Variants in RNF157 observed in about 807,000 individuals in gnomAD.
The protein encoded by RNF157 is ring finger protein 157.
In RNF157, 55 loss-of-function variants were observed where a neutral mutation model predicts 88.3. That is an observed-to-expected ratio of 0.62 (90% CI 0.50 to 0.78). The LOEUF is 0.78. Ranked by LOEUF, RNF157 falls within the 30% of genes least tolerant of loss-of-function variation. The probability of loss-of-function intolerance (pLI) is 0.00; values close to 1 mark genes in which losing one functional copy is unlikely to be tolerated. For missense variants in RNF157, 788 were observed against 860.8 expected (o/e 0.92, Z 1.06); for synonymous variants, 334 against 341.2 (o/e 0.98, Z 0.23).
At position 76,146,377 on chromosome 17, in the gene RNF157, C is replaced by T; in HGVS notation, c.1922-1024G>A. On this transcript the variant is annotated intron_variant, in intron 18 of 18. Coordinates refer to ENST00000269391, the MANE Select transcript of RNF157 (RefSeq NM_052916.3). The surrounding 1 kb of genome is among the most constrained non-coding windows in gnomAD (Gnocchi z 4.2). ...CCTAGAATAGCCTGTGCTCAGGCTCCTCCAGGCCATCTCGCCTCTCCCCTG... is the reference window on the plus strand; with the variant it reads ...CCTAGAATAGCCTGTGCTCAGGCTCTTCCAGGCCATCTCGCCTCTCCCCTG... The T allele has an allele frequency of 1.0e-6, 1 of 985,616 alleles. No individual in the cohort carries two copies. Among genetic ancestry groups the T allele is most frequent in the South Asian group, 4.7e-5 (1 of 21,294 alleles). The allele number at this position is 985,616 out of a possible 1,614,324, so 61.1% of individuals were successfully genotyped here.
intron 1 of RNF157, among the ~76,000 whole-genome samples, chr17:76,236,391 A>T (rs1352247504): frequency 6.6e-6 from 1 of 152,242 alleles, no homozygotes; most frequent in East Asian, 1.9e-4. Context: ...TCAAAAGATG[A>T]GCTTCATAAA....
chr17:76,172,091 C>G (rs1300724922), intron 3 of RNF157, among the ~76,000 whole-genome samples: 1 of 152,218 alleles, frequency 6.6e-6, no homozygotes, highest in African/African-American at 2.4e-5. Context: ...CCTTGAATCT[C>G]TCCTCCCCAG....
intron 6 of RNF157, 88 bp downstream of exon 6, chr17:76,166,373 G>A (rs2068924672): frequency 1.9e-6 from 2 of 1,042,310 alleles, no homozygotes; most frequent in African/African-American, 1.6e-5. Context: ...CACAAAGAAG[G>A]CATGTTGTTC....
intron 11 of RNF157, 26 bp from the exon 12 acceptor site, chr17:76,159,599 A>C (rs1410174913): frequency 1.3e-6 from 2 of 1,516,030 alleles, no homozygotes. Flanking sequence ...ACAGGTTGAA[A>C]AATTAATTAG....
chr17:76,149,508 G>A (rs2068640765), intron 18 of RNF157, among the ~76,000 whole-genome samples: 1 of 152,120 alleles, frequency 6.6e-6, no homozygotes, highest in South Asian at 2.1e-4. Flanking sequence ...TTACAGCTGA[G>A]TGTGAAGACG....
intron 1 of RNF157, among the ~76,000 whole-genome samples, chr17:76,218,674 C>T (rs949001701): frequency 1.3e-4 from 19 of 151,864 alleles, no homozygotes; most frequent in Non-Finnish European, 2.4e-4. Flanking sequence ...TGGCTCACAC[C>T]TGTAATCCCA....
intron 18 of RNF157, among the ~76,000 whole-genome samples, chr17:76,149,304 A>C (rs992874577): frequency 6.6e-6 from 1 of 152,066 alleles, no homozygotes; most frequent in African/African-American, 2.4e-5. Context: ...GCACAGGGAC[A>C]ACATGGGATG....
At chr17:76,213,569 C>CAAAAAAAA (rs532739758) in intron 1 of RNF157, among the ~76,000 whole-genome samples, 6 of 76,082 alleles carry the variant, frequency 7.9e-5, no homozygotes, top group Non-Finnish European at 1.7e-4. Flanking sequence ...AACTCCATCT[C>CAAAAAAAA]AAAAAAAAAA....
At position 76,173,625 on chromosome 17, in the gene RNF157, T is replaced by C. The variant is rs910017197; in HGVS notation, c.296+77A>G. The C allele has an allele frequency of 4.4e-6, 5 of 1,139,150 alleles. No homozygotes were observed. The African/African-American group carries it at 7.8e-5, about 18-fold the overall frequency. 70.6% of individuals were successfully genotyped at this position (1,139,150 alleles called of 1,614,324 possible). On this transcript the variant is annotated intron_variant, in intron 3 of 18. Coordinates refer to ENST00000269391, the MANE Select transcript of RNF157 (RefSeq NM_052916.3). ...GCCGGAAACTGCTGTATGAGTTCCTTGGGAAGTCTGTCCCCCAGCCCCCAG... is the reference window on the plus strand; with the variant it reads ...GCCGGAAACTGCTGTATGAGTTCCTCGGGAAGTCTGTCCCCCAGCCCCCAG...
In RNF157 at chr17:76,143,554, A is replaced by C. The variant is rs979820033; in HGVS notation, c.*1681T>G. On this transcript the variant is annotated 3_prime_UTR_variant, in exon 19 of 19. Transcript: ENST00000269391. Reference sequence around the variant, plus strand: ...ATGTAGGGGGAAGGAAGGAAAGAACATTAGGTGGGGCCTGAAATGGTAAAG... The same window carrying C: ...ATGTAGGGGGAAGGAAGGAAAGAACCTTAGGTGGGGCCTGAAATGGTAAAG... 6.6e-5 allele frequency: 10 copies of C among 152,234 alleles called. No individual in the cohort carries two copies. Among genetic ancestry groups the C allele is most frequent in the African/African-American group, 2.2e-4 (9 of 41,438 alleles). The allele number at this position is 152,234 out of a possible 1,614,324, so 9.4% of individuals were successfully genotyped here. A position where few individuals can be genotyped will look rare whatever the true frequency, so the allele number is the denominator to read the frequency against.
rs1363449596 is a variant in RNF157, at chr17:76,230,886, AAGAGAGAAAGAG to A, written c.88+9255_88+9266del. Among the ~76,000 whole-genome samples the A allele has an allele frequency of 2.2e-3, 252 of 112,378 alleles. 2 individuals are homozygous for A. Among genetic ancestry groups the A allele is most frequent in the African/African-American group, 0.011 (241 of 21,902 alleles). 73.7% of individuals were successfully genotyped at this position (112,378 alleles called of 152,430 possible). Reference sequence around the variant, plus strand: ...AGAGAGAGAGAGAGAGAGAAAGAGAAAGAGAGAAAGAGAGAGAGAGAGACTTTTCTTAGATTA... The same window carrying A: ...AGAGAGAGAGAGAGAGAGAAAGAGAAAGAGAGAGAGACTTTTCTTAGATTA... On this transcript the variant is annotated intron_variant, in intron 1 of 18. Coordinates refer to ENST00000269391, the MANE Select transcript of RNF157 (RefSeq NM_052916.3).
intron 2 of RNF157, among the ~76,000 whole-genome samples, chr17:76,201,478 C>T (rs1462175174): frequency 6.6e-6 from 1 of 151,842 alleles, no homozygotes; most frequent in African/African-American, 2.4e-5. Flanking sequence ...CACCACTGCA[C>T]TCCAGCTTGG....
intron 1 of RNF157, among the ~76,000 whole-genome samples, chr17:76,239,533 A>AC (rs2070337775): frequency 1.5e-4 from 19 of 124,544 alleles, no homozygotes; most frequent in Admixed American, 1.3e-3. Context: ...ACTTTCCACC[A>AC]CCACCACCCC....
Position 76,168,174 on chromosome 17 carries a change from AT to A in RNF157, c.297-378del, listed in dbSNP as rs546586056. On this transcript the variant is annotated intron_variant, in intron 3 of 18. Coordinates refer to ENST00000269391, the MANE Select transcript of RNF157 (RefSeq NM_052916.3). The stretch of plus-strand genomic sequence containing the variant: ...TGGCATTTACCCACGTTTCTAAAAA[AT>A]ATACTTGGGTTACTACTTCTTGATT... 3.9e-5 allele frequency among the ~76,000 whole-genome samples: 6 copies of A among 152,304 alleles called. No individual in the cohort carries two copies. In the East Asian group the frequency reaches 1.2e-3, roughly 29 times the overall value.
In RNF157 at chr17:76,157,212, C is replaced by T. The variant is rs375935640; in HGVS notation, c.1414-891G>A. On this transcript the variant is annotated intron_variant, in intron 13 of 18. Coordinates refer to ENST00000269391, the MANE Select transcript of RNF157 (RefSeq NM_052916.3). This position sits in a 1 kb window ranked among gnomAD's most constrained non-coding sequence, Gnocchi z 5.6. ...CGATCTCCTGACCTCGTGATCCGCC[C>T]GCCTCGGCCTCCCAAAGTGCCGGGA... is the stretch of plus-strand genomic sequence containing the variant. 5.1e-4 allele frequency among the ~76,000 whole-genome samples: 78 copies of T among 152,222 alleles called. No homozygotes were observed. Among genetic ancestry groups the T allele is most frequent in the Non-Finnish European group, 5.6e-4 (38 of 68,034 alleles).
At chr17:76,193,151 ATAACT>A (rs1408105508) in intron 2 of RNF157, among the ~76,000 whole-genome samples, 3 of 152,200 alleles carry the variant, frequency 2.0e-5, no homozygotes, top group African/African-American at 7.2e-5. Context: ...CTTTGGGCAA[ATAACT>A]TAACATCTCT....
intron 1 of RNF157, among the ~76,000 whole-genome samples, 187 bp downstream of exon 1, chr17:76,239,966 G>A (rs2070349968): frequency 6.6e-6 from 1 of 152,182 alleles, no homozygotes; most frequent in South Asian, 2.1e-4. Context: ...ACGCCCCTTG[G>A]GCTAATTCGC....
At chr17:76,235,605 T>G (rs868247350) in intron 1 of RNF157, among the ~76,000 whole-genome samples, 1 of 152,218 alleles carries the variant, frequency 6.6e-6, no homozygotes, top group African/African-American at 2.4e-5. Context: ...CGACAAAGAC[T>G]TATTATCCAT....
At chr17:76,226,046 C>A in intron 1 of RNF157, 14 of 1,609,332 alleles carry the variant, frequency 8.7e-6, no homozygotes, top group Non-Finnish European at 1.2e-5. Flanking sequence ...GTGGGCAGAC[C>A]CACAGAGAAC....
Sources: gnomAD v4.1 joint callset for allele counts (sites outside exome capture counted in the v4.1 genomes callset) on GRCh38, gnomAD v4.1.1 for gene constraint, Gnocchi (gnomAD v3.1) non-coding constraint, MANE v1.5 for transcripts, NCBI Gene and HGNC (gene_info 2026-07-23, HGNC 2026-07-21) for gene names.